PHKG1: variants seen among roughly 807,000 people sequenced by gnomAD.
PHKG1 encodes phosphorylase b kinase gamma catalytic chain, skeletal muscle/heart isoform.
Under a neutral mutation model 50.5 loss-of-function variants are expected in PHKG1, and 48 were observed. That is an observed-to-expected ratio of 0.95 (90% CI 0.75 to 1.21). PHKG1 has a LOEUF of 1.21. PHKG1 is among the 50% of genes most tolerant of loss of function. The pLI, the probability that PHKG1 is intolerant of heterozygous loss-of-function variation, is 0.00. For missense variants in PHKG1, 487 were observed against 519.5 expected (o/e 0.94, Z 0.61); for synonymous variants, 204 against 212.8 (o/e 0.96, Z 0.36).
intron 6 of PHKG1, chr7:56,083,061 G>A (rs1796088830): frequency 2.1e-6 from 1 of 476,972 alleles, no homozygotes; most frequent in South Asian, 2.6e-5. Flanking sequence ...AGCCGAGATT[G>A]TGCCACTGCA....
At chr7:56,089,358 T>C (rs1313716527) in intron 1 of PHKG1, among the ~76,000 whole-genome samples, 2 of 149,588 alleles carry the variant, frequency 1.3e-5, no homozygotes, top group African/African-American at 4.9e-5. Flanking sequence ...CGAGATCGCA[T>C]CACTGCCCTC....
rs1171522528 is a variant in PHKG1, at chr7:56,091,195, GGAGT to G, written c.-35+1637_-35+1640del. ...ACCAGTGCACTCCAGCCTAGGTGAC[GGAGT>G]GAGTGAGACTCTGTCTCAAAAAATA... On this transcript the variant is annotated intron_variant, in intron 1 of 9. Coordinates refer to ENST00000297373, the MANE Select transcript of PHKG1 (RefSeq NM_006213.5). 4.0e-5 allele frequency among the ~76,000 whole-genome samples: 6 copies of G among 150,856 alleles called. No individual in the cohort carries two copies. In the East Asian group the frequency reaches 9.8e-4, roughly 25 times the overall value.
At chr7:56,090,812 C>G (rs1409076270) in intron 1 of PHKG1, among the ~76,000 whole-genome samples, 1 of 152,164 alleles carries the variant, frequency 6.6e-6, no homozygotes, top group Non-Finnish European at 1.5e-5. Context: ...AGGATAGAGG[C>G]AGTACAGAGC....
chr7:56,083,899 AAGC>A (rs1796139448), intron 4 of PHKG1, among the ~76,000 whole-genome samples, 184 bp from the exon 5 acceptor site: 1 of 152,126 alleles, frequency 6.6e-6, no homozygotes, highest in Non-Finnish European at 1.5e-5. Flanking sequence ...ACTGGGAGAA[AAGC>A]AGAGGAGGCT....
At position 56,087,022 on chromosome 7, in the gene PHKG1, G is replaced by A. The variant is rs779776222; in HGVS notation, c.265C>T (p.Gln89Ter). 9 of 1,612,464 alleles carry A rather than the reference G, an allele frequency of 5.6e-6. No homozygotes were observed. The Admixed American group carries it at 8.3e-5, about 15-fold the overall frequency. The change falls in exon 4 of 10, where the codon CAG (glutamine) becomes TAG (stop). Residue 89 changes from glutamine to a stop codon, truncating the protein, a stop_gained and splice_region_variant. Coordinates refer to ENST00000297373, the MANE Select transcript of PHKG1 (RefSeq NM_006213.5). LOFTEE classifies it high-confidence loss of function. ...RKVSGHPNII[Q>*]LKDTYETNTF... ...TTGGTCTCATAAGTGTCCTTCAGCT[G>A]TACTGAAATGGAAATGGCTAGCTTG...
intron 4 of PHKG1, 96 bp downstream of exon 4, chr7:56,086,866 CAGCGCAGG>C (rs987377815): frequency 1.1e-6 from 1 of 874,228 alleles, no homozygotes; most frequent in Admixed American, 1.7e-5. Context: ...TTGGCATCCT[CAGCGCAGG>C]AGCTGGCTGT....
At position 56,082,235 on chromosome 7, in the gene PHKG1, C is replaced by T; in HGVS notation, c.566G>A (p.Ser189Asn). The T allele has an allele frequency of 6.2e-7, 1 of 1,613,582 alleles. No individual in the cohort carries two copies. ...ERLREVCGTP[S>N]YLAPEIIECS... ...CTCGATAATCTCAGGGGCCAGGTAACTGGGGGTCCCGCAGACCTCTGCAGG... is the reference window on the plus strand; with the variant it reads ...CTCGATAATCTCAGGGGCCAGGTAATTGGGGGTCCCGCAGACCTCTGCAGG... The change falls in exon 7 of 10, where the codon AGT becomes AAT. Residue 189 changes from serine (S) to asparagine (N), a missense_variant. By Grantham distance (46) the Ser-to-Asn change is conservative. Transcript: ENST00000297373.
intron 4 of PHKG1, chr7:56,084,108 G>A (rs910856106): frequency 4.5e-6 from 5 of 1,110,076 alleles, no homozygotes; most frequent in South Asian, 2.7e-5. Flanking sequence ...AAGTGACCAG[G>A]GAAGCAATGG....
chr7:56,087,086 G>T, intron 3 of PHKG1, 62 bp from the exon 4 acceptor site: 1 of 1,318,954 alleles, frequency 7.6e-7, no homozygotes, highest in Non-Finnish European at 1.1e-6. Context: ...GGCAGCCGGG[G>T]CACGGGGGTC....
At chr7:56,084,282 C>T (rs1796155723) in intron 4 of PHKG1, 2 of 1,226,760 alleles carry the variant, frequency 1.6e-6, no homozygotes, top group Non-Finnish European at 2.3e-6. Context: ...TGTATCGGGG[C>T]CTAAATGATG....
chr7:56,083,783 A>G (rs922339341), intron 4 of PHKG1, 68 bp from the exon 5 acceptor site: 2 of 1,122,346 alleles, frequency 1.8e-6, no homozygotes. Flanking sequence ...CTGCTCCCAG[A>G]GAGCTGCCTT....
chr7:56,089,126 C>T (rs1395058068), intron 1 of PHKG1, among the ~76,000 whole-genome samples, 151 bp from the exon 2 acceptor site: 3 of 152,048 alleles, frequency 2.0e-5, no homozygotes, highest in East Asian at 1.9e-4. Context: ...GAATTGAGGC[C>T]GTTCGTGGTG....
intron 1 of PHKG1, among the ~76,000 whole-genome samples, chr7:56,090,509 C>G (rs1796457113): frequency 6.6e-6 from 1 of 152,190 alleles, no homozygotes; most frequent in Non-Finnish European, 1.5e-5. Context: ...AACACCCACT[C>G]TTTGCCAACC....
intron 1 of PHKG1, among the ~76,000 whole-genome samples, chr7:56,092,068 G>A (rs1269605521): frequency 6.6e-6 from 1 of 152,224 alleles, no homozygotes; most frequent in Non-Finnish European, 1.5e-5. Flanking sequence ...TGAGATGCCA[G>A]CCTAGGCGCA....
chr7:56,088,127 C>T (rs1319317878), intron 2 of PHKG1, among the ~76,000 whole-genome samples: 4 of 150,852 alleles, frequency 2.7e-5, no homozygotes, highest in Admixed American at 6.6e-5. Flanking sequence ...CTCCACCTCC[C>T]GGGTTCAAGC....
chr7:56,092,115 T>G (rs553481318), intron 1 of PHKG1, among the ~76,000 whole-genome samples: 5 of 152,326 alleles, frequency 3.3e-5, no homozygotes, highest in African/African-American at 1.2e-4. Flanking sequence ...TTGGCCAACT[T>G]GTGGCTGCAC....
rs372050246 is a variant in PHKG1, at chr7:56,081,844, C to A, written c.792+49G>T. ...GGCAGGGCCTCCCCGGGCAGGGGCG[C>A]CTGGCATCGCAGCCCTGAGCCCAGG... On this transcript the variant is annotated intron_variant, in intron 8 of 9. Coordinates refer to ENST00000297373, the MANE Select transcript of PHKG1 (RefSeq NM_006213.5). This position sits in a 1 kb window ranked among gnomAD's most constrained non-coding sequence, Gnocchi z 4.6. The A allele has an allele frequency of 1.2e-6, 2 of 1,609,730 alleles. No individual in the cohort carries two copies. The highest frequency in any genetic ancestry group is 1.7e-6 in the Non-Finnish European group (2 of 1,177,844).
At chr7:56,084,118 G>C (rs1447774984) in intron 4 of PHKG1, 1 of 1,232,976 alleles carries the variant, frequency 8.1e-7, no homozygotes, top group Non-Finnish European at 1.1e-6. Flanking sequence ...GGAAGCAATG[G>C]GCCCCGAGCT....
chr7:56,087,993 CTCT>C (rs1198486084), intron 2 of PHKG1, among the ~76,000 whole-genome samples: 4 of 92,156 alleles, frequency 4.3e-5, no homozygotes, highest in East Asian at 2.9e-4. Flanking sequence ...GGCCGTGTGA[CTCT>C]TTTTTTTTTT....
Sources: allele counts gnomAD v4.1 joint callset (sites outside exome capture counted in the v4.1 genomes callset), GRCh38; gene constraint gnomAD v4.1.1; non-coding constraint Gnocchi (gnomAD v3.1); transcripts MANE v1.5; gene names NCBI Gene and HGNC (gene_info 2026-07-23, HGNC 2026-07-21).